MLIP: variants seen among roughly 807,000 people sequenced by gnomAD.
MLIP encodes muscular LMNA interacting protein.
MLIP carries 79 observed loss-of-function variants against 84.8 expected under a neutral mutation model. The ratio of observed to expected loss-of-function variants is 0.93; its 90% CI spans 0.78 to 1.12. MLIP has a LOEUF of 1.12. Among genes scored for constraint, MLIP ranks in the 50% most tolerant of loss-of-function variants. The pLI is 0.00. For synonymous variants in MLIP, 504 were observed against 463.0 expected, an observed-to-expected ratio of 1.09 and a Z score of -1.14; for missense variants, 1,257 against 1,160.6, an observed-to-expected ratio of 1.08 and a Z score of -1.21.
intron 12 of MLIP, among the ~76,000 whole-genome samples, chr6:54,240,377 A>G (rs1156883544): frequency 1.3e-5 from 2 of 152,008 alleles, no homozygotes; most frequent in African/African-American, 4.8e-5. Flanking sequence ...TTGCTTTCTG[A>G]TTTATTCACA....
chr6:54,132,008 C>T (rs1771422996), intron 3 of MLIP, among the ~76,000 whole-genome samples: 1 of 152,114 alleles, frequency 6.6e-6, no homozygotes, highest in Non-Finnish European at 1.5e-5. Flanking sequence ...TTCCAGTAAA[C>T]TAGCCTGAGC....
At position 54,222,855 on chromosome 6, in the gene MLIP, C is replaced by A. The variant is rs190081869; in HGVS notation, c.2719-7859C>A. 1.4e-3 allele frequency among the ~76,000 whole-genome samples: 219 copies of A among 152,072 alleles called. 2 individuals carry two copies. Among genetic ancestry groups the A allele is most frequent in the Non-Finnish European group, 6.5e-4 (44 of 67,876 alleles). On this transcript the variant is annotated intron_variant, in intron 11 of 13. Transcript: ENST00000502396. ...CCCACCAACAGTGTACAAGTGTTCT[C>A]TTTTTTCCACATTCTGACCAACACT...
intron 1 of MLIP, chr6:54,046,656 A>G (rs1220286372): frequency 6.6e-6 from 1 of 152,216 alleles, no homozygotes; most frequent in Non-Finnish European, 1.5e-5. Context: ...GTCAGAATTA[A>G]CATTCTTTTG....
intron 1 of MLIP, among the ~76,000 whole-genome samples, chr6:54,102,374 A>G (rs1768716045): frequency 6.6e-6 from 1 of 152,162 alleles, no homozygotes; most frequent in South Asian, 2.1e-4. Context: ...TGTTTGAGGT[A>G]GCCATGGTGA....
At chr6:54,083,020 A>G (rs1179698165) in intron 1 of MLIP, among the ~76,000 whole-genome samples, 1 of 152,158 alleles carries the variant, frequency 6.6e-6, no homozygotes, top group Non-Finnish European at 1.5e-5. Flanking sequence ...GAGAACAGAA[A>G]TAGAATTTTT....
At position 54,037,931 on chromosome 6, in the gene MLIP, A is replaced by G. The variant is rs116214521; in HGVS notation, c.63+18840A>G. Among the ~76,000 whole-genome samples, 773 of 152,070 alleles carry G rather than the reference A, an allele frequency of 5.1e-3. 15 individuals are homozygous for G. The highest frequency in any genetic ancestry group is 0.017 in the African/African-American group (722 of 41,526). On this transcript the variant is annotated intron_variant, in intron 1 of 12. Coordinates refer to the MLIP transcript ENST00000274897. Reference sequence around the variant, plus strand: ...TATTGTAATCTCAGTATTGTTAATAATATCTACTGATGATATTTTTGTGAT... The same window carrying G: ...TATTGTAATCTCAGTATTGTTAATAGTATCTACTGATGATATTTTTGTGAT...
chr6:54,117,940 G>A lies in MLIP; in HGVS notation c.97-3507G>A, dbSNP rs542502982. Among the ~76,000 whole-genome samples, 164 of 148,700 alleles carry A rather than the reference G, an allele frequency of 1.1e-3. 1 individual carries two copies. The highest frequency in any genetic ancestry group is 4.0e-3 in the African/African-American group (156 of 39,350). Reference sequence around the variant, plus strand: ...AACCTGGGTGACAGAATGAGACTCTGTCTCAAAACAACAACAACAACAACA... The same window carrying A: ...AACCTGGGTGACAGAATGAGACTCTATCTCAAAACAACAACAACAACAACA... On this transcript the variant is annotated intron_variant, in intron 1 of 13. Coordinates refer to ENST00000502396, the MANE Select transcript of MLIP (RefSeq NM_001281747.2).
At chr6:54,099,470 G>C (rs565048621) in intron 1 of MLIP, 2 of 151,844 alleles carry the variant, frequency 1.3e-5, no homozygotes, top group Admixed American at 6.6e-5. Flanking sequence ...TAGTTTGAAG[G>C]CTCGCCCATC....
chr6:54,102,089 C>A lies in MLIP; in HGVS notation c.64-19358C>A, dbSNP rs1582144390. ...ATGTATATCTCTAAAGTAAGGCTGG[C>A]AGAAGCAGGGAGCAAATGAGGTGCA... On this transcript the variant is annotated intron_variant, in intron 1 of 12. Coordinates refer to the MLIP transcript ENST00000274897. 2.0e-5 allele frequency among the ~76,000 whole-genome samples: 3 copies of A among 152,174 alleles called. No individual in the cohort carries two copies. In the Middle Eastern group the frequency reaches 0.01, roughly 518 times the overall value.
At position 54,083,882 on chromosome 6, in the gene MLIP, G is replaced by T. The variant is rs370344043; in HGVS notation, c.64-37565G>T. ...TAATGGGAAATAATTTAGGTAAATT[G>T]TTGGTAGGAATGAGTATCATGAATC... On this transcript the variant is annotated intron_variant, in intron 1 of 12. Coordinates refer to the MLIP transcript ENST00000274897. 1.2e-3 allele frequency among the ~76,000 whole-genome samples: 188 copies of T among 152,240 alleles called. 1 individual carries two copies. Among genetic ancestry groups the T allele is most frequent in the African/African-American group, 4.4e-3 (181 of 41,548 alleles).
chr6:54,236,814 T>C (rs1582589121), intron 12 of MLIP, among the ~76,000 whole-genome samples: 2 of 152,124 alleles, frequency 1.3e-5, no homozygotes. Context: ...GCTTGAGTTA[T>C]AGTGCTGTTG....
chr6:54,141,447 C>T (rs1194412149), intron 4 of MLIP, among the ~76,000 whole-genome samples: 1 of 151,808 alleles, frequency 6.6e-6, no homozygotes, highest in Non-Finnish European at 1.5e-5. Flanking sequence ...GCTGGGATTA[C>T]AGGTGTGCAC....
In MLIP at chr6:54,120,886, C is replaced by A. The variant is rs184282112; in HGVS notation, c.97-561C>A. Reference sequence around the variant, plus strand: ...TACCTCCTGAGTACCTGTCACACAGCAAATACTTCATACAATTATTTTTGA... The same window carrying A: ...TACCTCCTGAGTACCTGTCACACAGAAAATACTTCATACAATTATTTTTGA... On this transcript the variant is annotated intron_variant, in intron 1 of 13. Coordinates refer to ENST00000502396, the MANE Select transcript of MLIP (RefSeq NM_001281747.2). Among the ~76,000 whole-genome samples, 106 of 152,202 alleles carry A rather than the reference C, an allele frequency of 7.0e-4. 1 individual carries two copies. The highest frequency in any genetic ancestry group is 2.2e-3 in the Admixed American group (33 of 15,288).
intron 10 of MLIP, among the ~76,000 whole-genome samples, chr6:54,199,478 G>A (rs561794928): frequency 2.6e-5 from 4 of 152,070 alleles, no homozygotes; most frequent in Non-Finnish European, 5.9e-5. Flanking sequence ...AATGTTATTA[G>A]CTGCAATGGG....
chr6:54,087,969 A>G (rs1767614923), intron 1 of MLIP, among the ~76,000 whole-genome samples: 1 of 152,110 alleles, frequency 6.6e-6, no homozygotes, highest in South Asian at 2.1e-4. Flanking sequence ...GAACCTACTC[A>G]TGATTTAGTG....
intron 9 of MLIP, among the ~76,000 whole-genome samples, chr6:54,170,454 T>A (rs1775655453): frequency 6.6e-6 from 1 of 151,464 alleles, no homozygotes; most frequent in Non-Finnish European, 1.5e-5. Flanking sequence ...ATCCAGAAAA[T>A]TATGTTTAGA....
At chr6:54,074,588 G>A (rs545791803) in intron 1 of MLIP, among the ~76,000 whole-genome samples, 2 of 152,198 alleles carry the variant, frequency 1.3e-5, no homozygotes, top group Admixed American at 6.5e-5. Flanking sequence ...AAATTAATAG[G>A]TGTATCCTCT....
upstream of MLIP, among the ~76,000 whole-genome samples, chr6:54,108,897 C>A (rs1025843394): frequency 2.6e-5 from 4 of 151,904 alleles, no homozygotes; most frequent in Non-Finnish European, 4.4e-5. Context: ...TTTGAATCCA[C>A]CTGGAATAAA....
At chr6:54,173,740 CTT>C (rs1269460019) in intron 9 of MLIP, among the ~76,000 whole-genome samples, 2 of 151,820 alleles carry the variant, frequency 1.3e-5, no homozygotes, top group African/African-American at 2.4e-5. Flanking sequence ...TGATTATACT[CTT>C]TTAGTTATTT....
Sources: allele counts gnomAD v4.1 joint callset (sites outside exome capture counted in the v4.1 genomes callset), GRCh38; gene constraint gnomAD v4.1.1; transcripts MANE v1.5; gene names NCBI Gene and HGNC (gene_info 2026-07-23, HGNC 2026-07-21).